CMTM4: variants seen among roughly 807,000 people sequenced by gnomAD.
The protein encoded by CMTM4 is CKLF-like MARVEL transmembrane domain-containing protein 4.
CMTM4 carries 8 observed loss-of-function variants against 19.0 expected under a neutral mutation model. The observed-to-expected ratio is 0.42, with a 90% CI of 0.25 to 0.76. The LOEUF (loss-of-function observed/expected upper bound fraction) is 0.76, where lower values mean the gene tolerates loss of function less well. Among genes scored for constraint, CMTM4 ranks in the 30% least tolerant of loss-of-function variants. The probability of loss-of-function intolerance (pLI) is 0.27; values close to 1 mark genes in which losing one functional copy is unlikely to be tolerated. For missense variants in CMTM4, 228 were observed against 290.2 expected, an observed-to-expected ratio of 0.79 and a Z score of 1.56; for synonymous variants, 106 against 121.1, an observed-to-expected ratio of 0.88 and a Z score of 0.82.
intron 1 of CMTM4, among the ~76,000 whole-genome samples, chr16:66,693,883 A>G (rs760381815): frequency 2.0e-5 from 3 of 152,048 alleles, no homozygotes; most frequent in Non-Finnish European, 2.9e-5. Flanking sequence ...TTAGCTGGGC[A>G]TGGTGGTGTG....
At chr16:66,606,849 T>A in the CMTM4 span, among the ~76,000 whole-genome samples, 5 of 152,126 alleles carry the variant, frequency 3.3e-5, no homozygotes, top group Non-Finnish European at 5.9e-5. Context: ...AAAAATTAGC[T>A]GGGTTTGGTG....
downstream of CMTM4, chr16:66,611,115 A>G (rs1479118071): frequency 2.6e-6 from 1 of 380,296 alleles, no homozygotes; most frequent in Non-Finnish European, 4.6e-6. Flanking sequence ...TCACATATGT[A>G]ACAATTATTT....
At chr16:66,613,260 T>C (rs979347422), downstream of CMTM4, 9 of 644,064 alleles carry the variant, frequency 1.4e-5, no homozygotes, top group Non-Finnish European at 2.0e-5. Context: ...TTGGAAACCA[T>C]GTCTTCTGGG....
chr16:66,675,537 C>T (rs2016795780), intron 1 of CMTM4, among the ~76,000 whole-genome samples: 2 of 151,438 alleles, frequency 1.3e-5, no homozygotes, highest in Non-Finnish European at 2.9e-5. Flanking sequence ...GTTCTGCAGA[C>T]CCCTGGCCCT....
At chr16:66,608,639 C>A in the CMTM4 span, among the ~76,000 whole-genome samples, 5,952 of 152,286 alleles carry the variant, frequency 0.039, 367 homozygotes, top group African/African-American at 0.13. The surrounding 1 kb of genome is among the most constrained non-coding windows in gnomAD (Gnocchi z 5.1). Flanking sequence ...ACTCAGCAGC[C>A]CTGTGACCTC....
intron 1 of CMTM4, among the ~76,000 whole-genome samples, chr16:66,654,604 G>A (rs2016365999): frequency 6.6e-6 from 1 of 152,190 alleles, no homozygotes; most frequent in Non-Finnish European, 1.5e-5. Context: ...CTTGCCGTTA[G>A]CATAGCCCGT....
chr16:66,604,907 G>A, the CMTM4 span: 43 of 1,471,988 alleles, frequency 2.9e-5, no homozygotes, highest in Non-Finnish European at 3.7e-5. Flanking sequence ...TGCCGGCGCG[G>A]GCTTTCCTCT....
intron 1 of CMTM4, among the ~76,000 whole-genome samples, chr16:66,664,487 T>A (rs965058131): frequency 6.6e-6 from 1 of 152,166 alleles, no homozygotes; most frequent in Non-Finnish European, 1.5e-5. Flanking sequence ...TGTTGGGATT[T>A]CAATGTATTT....
chr16:66,617,745 C>T lies in CMTM4; in HGVS notation c.*4313G>A, dbSNP rs981413402. 22 of 1,017,542 alleles carry T rather than the reference C, an allele frequency of 2.2e-5. No individual in the cohort carries two copies. The highest frequency in any genetic ancestry group is 2.1e-4 in the African/African-American group (12 of 57,682). 63.0% of individuals were successfully genotyped at this position (1,017,542 alleles called of 1,614,324 possible). Reference sequence around the variant, plus strand: ...CTAAAAGCTGAGGGTGTCAGGCCTGCGTCCTGTCTGAGATGGCAGCCAAGC... The same window carrying T: ...CTAAAAGCTGAGGGTGTCAGGCCTGTGTCCTGTCTGAGATGGCAGCCAAGC... On this transcript the variant is annotated 3_prime_UTR_variant, in exon 4 of 4. Coordinates refer to ENST00000394106, the MANE Select transcript of CMTM4 (RefSeq NM_181521.3).
intron 1 of CMTM4, among the ~76,000 whole-genome samples, chr16:66,663,604 G>A (rs774331961): frequency 3.0e-4 from 40 of 133,664 alleles, no homozygotes; most frequent in Non-Finnish European, 4.3e-4. Context: ...GTTCAGTGGT[G>A]CGATCTTGGC....
chr16:66,669,730 G>C (rs1329012906), intron 1 of CMTM4, among the ~76,000 whole-genome samples: 2 of 152,030 alleles, frequency 1.3e-5, no homozygotes, highest in African/African-American at 4.8e-5. Context: ...ATTTTTAGTA[G>C]AGATGGGGTT....
intron 2 of CMTM4, among the ~76,000 whole-genome samples, chr16:66,630,607 C>T (rs1236418176): frequency 1.5e-4 from 23 of 151,016 alleles, no homozygotes; most frequent in South Asian, 4.2e-4. Flanking sequence ...CCCGAGGTGC[C>T]GGGATTGCAG....
At chr16:66,655,523 G>C (rs1286168761) in intron 1 of CMTM4, among the ~76,000 whole-genome samples, 1 of 138,232 alleles carries the variant, frequency 7.2e-6, no homozygotes, top group Non-Finnish European at 1.5e-5. Flanking sequence ...AGAAACGTGT[G>C]TGTGTGTGTG....
chr16:66,650,699 C>T (rs1266343932), intron 1 of CMTM4, among the ~76,000 whole-genome samples: 1 of 152,194 alleles, frequency 6.6e-6, no homozygotes, highest in Non-Finnish European at 1.5e-5. Context: ...CAGATTTCTT[C>T]CCCCCGCACA....
Position 66,619,117 on chromosome 16 carries a change from C to A in CMTM4, c.*2941G>T, listed in dbSNP as rs2015581222. The A allele has an allele frequency of 1.3e-5, 13 of 985,352 alleles. No homozygotes were observed. Among genetic ancestry groups the A allele is most frequent in the Non-Finnish European group, 1.4e-5 (12 of 829,954 alleles). The allele number at this position is 985,352 out of a possible 1,614,324, so 61.0% of individuals were successfully genotyped here. On this transcript the variant is annotated 3_prime_UTR_variant, in exon 4 of 4. Transcript: ENST00000394106. ...TCTTCCCAGCTTTATGTGGGGCCAA[C>A]AAGTATCTCCAGCCTTTCATGACTG...
chr16:66,673,182 A>C (rs2144885868), intron 1 of CMTM4, among the ~76,000 whole-genome samples: 1 of 141,674 alleles, frequency 7.1e-6, no homozygotes, highest in African/African-American at 2.7e-5. Flanking sequence ...AAGTGCTGGG[A>C]TCACAGATGT....
At chr16:66,604,803 G>A in the CMTM4 span, 21 of 1,250,174 alleles carry the variant, frequency 1.7e-5, no homozygotes, top group Middle Eastern at 3.0e-4. Context: ...CGCCGCCGCC[G>A]CCATGTGGCC....
intron 2 of CMTM4, among the ~76,000 whole-genome samples, chr16:66,625,045 GA>G (rs2144786317): frequency 6.6e-6 from 1 of 152,298 alleles, no homozygotes; most frequent in East Asian, 1.9e-4. Flanking sequence ...ATTCAGAAAC[GA>G]GGGGAAAATA....
chr16:66,680,132 T>C (rs941857023), intron 1 of CMTM4, among the ~76,000 whole-genome samples: 2 of 152,202 alleles, frequency 1.3e-5, no homozygotes, highest in African/African-American at 4.8e-5. Flanking sequence ...TATCATTTAT[T>C]GATTGAGAAA....
Sources: allele counts gnomAD v4.1 joint callset (sites outside exome capture counted in the v4.1 genomes callset), GRCh38; gene constraint gnomAD v4.1.1; non-coding constraint Gnocchi (gnomAD v3.1); transcripts MANE v1.5; gene names NCBI Gene and HGNC (gene_info 2026-07-23, HGNC 2026-07-21).